Variants in ANKIB1 observed in about 807,000 individuals in gnomAD.
ANKIB1 encodes the protein ankyrin repeat and IBR domain-containing protein 1.
Under a neutral mutation model 122.1 loss-of-function variants are expected in ANKIB1, and 43 were observed. That is an observed-to-expected ratio of 0.35 (90% CI 0.28 to 0.45). The LOEUF (loss-of-function observed/expected upper bound fraction) is 0.45. ANKIB1 is among the 20% of genes least tolerant of loss of function. ANKIB1 has a pLI of 1.00. For missense variants in ANKIB1, 992 were observed against 1,329.5 expected (o/e 0.75, Z 3.95); for synonymous variants, 390 against 442.0 (o/e 0.88, Z 1.48).
chr7:92,281,280 C>A (rs757017001), intron 1 of ANKIB1, among the ~76,000 whole-genome samples: 12 of 152,096 alleles, frequency 7.9e-5, no homozygotes, highest in Non-Finnish European at 1.8e-4. Context: ...TAGCATGTAC[C>A]AATATTCCAG....
intron 5 of ANKIB1, among the ~76,000 whole-genome samples, chr7:92,339,400 A>G (rs1296487521): frequency 6.6e-6 from 1 of 152,162 alleles, no homozygotes; most frequent in Non-Finnish European, 1.5e-5. Context: ...TTAAATAAAT[A>G]ATTACTGTAT....
At chr7:92,392,581 A>G (rs1804807410) in intron 17 of ANKIB1, among the ~76,000 whole-genome samples, 1 of 152,134 alleles carries the variant, frequency 6.6e-6, no homozygotes, top group African/African-American at 2.4e-5. Flanking sequence ...TTGTTAATAG[A>G]GAGAATTTAT....
At chr7:92,389,000 G>A (rs1804727978) in intron 14 of ANKIB1, among the ~76,000 whole-genome samples, 1 of 152,160 alleles carries the variant, frequency 6.6e-6, no homozygotes, top group South Asian at 2.1e-4. Flanking sequence ...CTTCAGCAGG[G>A]ATTTTTGTCT....
At chr7:92,298,768 TAAAAAA>T (rs34091044) in intron 2 of ANKIB1, among the ~76,000 whole-genome samples, 2 of 117,624 alleles carry the variant, frequency 1.7e-5, no homozygotes, top group African/African-American at 3.2e-5. Flanking sequence ...CACTTGCAGT[TAAAAAA>T]AAAAAAAAAA....
At chr7:92,317,336 G>T (rs1032506775) in intron 3 of ANKIB1, among the ~76,000 whole-genome samples, 13 of 152,106 alleles carry the variant, frequency 8.5e-5, no homozygotes, top group African/African-American at 3.1e-4. Flanking sequence ...GGATGAGGCT[G>T]AGATTCTTCA....
intron 1 of ANKIB1, among the ~76,000 whole-genome samples, chr7:92,291,115 G>A (rs1411915414): frequency 4.6e-5 from 7 of 152,074 alleles, no homozygotes; most frequent in Non-Finnish European, 1.0e-4. Context: ...CCAAAATGGC[G>A]AAACCCCGTC....
Position 92,307,459 on chromosome 7 carries a change from G to A in ANKIB1, c.289G>A (p.Gly97Arg). ...CMGPQIMISE[G>R]ALHPRLARPT... ...GGGACCTCAAATTATGATATCTGAA[G>A]GAGCCCTTCATCCTCGCTTGGCACG... Residue 97 changes from glycine to arginine, a missense_variant, in exon 3 of 20, where the codon GGA becomes AGA. Around this residue, in one of 4 missense-constraint regions of ANKIB1, gnomAD observed 33 missense variants for 27.5 expected, o/e 1.20. Transcript: ENST00000265742. 6 of 1,613,914 alleles carry A rather than the reference G, an allele frequency of 3.7e-6. No individual in the cohort carries two copies. The highest frequency in any genetic ancestry group is 5.1e-6 in the Non-Finnish European group (6 of 1,179,876).
chr7:92,335,981 C>T (rs371440894), intron 5 of ANKIB1, among the ~76,000 whole-genome samples: 36 of 151,914 alleles, frequency 2.4e-4, no homozygotes, highest in African/African-American at 8.7e-4. Flanking sequence ...TGTATATATT[C>T]TTATCATTTT....
chr7:92,302,500 C>T (rs1342983959), intron 2 of ANKIB1, among the ~76,000 whole-genome samples: 1 of 152,158 alleles, frequency 6.6e-6, no homozygotes, highest in Non-Finnish European at 1.5e-5. Context: ...ATCACACTGC[C>T]TCTTTTGTGG....
chr7:92,393,162 A>T (rs1804821793), intron 17 of ANKIB1, among the ~76,000 whole-genome samples: 1 of 152,096 alleles, frequency 6.6e-6, no homozygotes, highest in Non-Finnish European at 1.5e-5. Flanking sequence ...GAAATTGATT[A>T]TTATCCAGGC....
intron 1 of ANKIB1, among the ~76,000 whole-genome samples, chr7:92,269,393 T>A (rs542825766): frequency 6.6e-6 from 1 of 152,222 alleles, no homozygotes; most frequent in African/African-American, 2.4e-5. Context: ...GTCTTTGTAT[T>A]ATGTTGTGAT....
intron 7 of ANKIB1, 94 bp from the exon 8 acceptor site, chr7:92,350,856 C>G: frequency 8.1e-7 from 1 of 1,236,840 alleles, no homozygotes; most frequent in Non-Finnish European, 1.1e-6. Flanking sequence ...GACCCTGTCT[C>G]TAAAAAAAAA....
chr7:92,287,283 T>A (rs551255953), intron 1 of ANKIB1, among the ~76,000 whole-genome samples: 1 of 152,204 alleles, frequency 6.6e-6, no homozygotes, highest in Non-Finnish European at 1.5e-5. Context: ...TAGGGCCCTA[T>A]ATGGCATTTA....
intron 2 of ANKIB1, among the ~76,000 whole-genome samples, chr7:92,304,071 T>TAA (rs567373070): frequency 6.9e-6 from 1 of 144,992 alleles, no homozygotes; most frequent in African/African-American, 2.5e-5. Flanking sequence ...TGCAAGTAGT[T>TAA]AAAAAAAAAA....
intron 10 of ANKIB1, among the ~76,000 whole-genome samples, chr7:92,366,051 C>G (rs1804074684): frequency 6.6e-6 from 1 of 151,870 alleles, no homozygotes. Context: ...CTCAGCCTCC[C>G]AAAGTGCTGG....
At chr7:92,362,294 C>T (rs1322128900) in intron 10 of ANKIB1, 21 bp downstream of exon 10, 1 of 1,555,770 alleles carries the variant, frequency 6.4e-7, no homozygotes. Flanking sequence ...TTTTAGATAG[C>T]TTTGCTGCAT....
At chr7:92,386,224 A>T (rs940127781) in intron 11 of ANKIB1, among the ~76,000 whole-genome samples, 1 of 152,226 alleles carries the variant, frequency 6.6e-6, no homozygotes. Context: ...ACACTTTCCA[A>T]AGATATTATT....
At chr7:92,352,755 C>T (rs1244805624) in intron 9 of ANKIB1, 113 bp downstream of exon 9, 1 of 1,117,352 alleles carries the variant, frequency 8.9e-7, no homozygotes, top group Non-Finnish European at 1.3e-6. Flanking sequence ...TAGTATTCTT[C>T]TTAATTTAAG....
intron 7 of ANKIB1, chr7:92,347,927 CTTA>C (rs1267963670): frequency 7.1e-6 from 3 of 425,174 alleles, no homozygotes; most frequent in South Asian, 3.4e-5. Flanking sequence ...ATAAATATTA[CTTA>C]TTATCATATT....
Sources: allele counts gnomAD v4.1 joint callset (sites outside exome capture counted in the v4.1 genomes callset), GRCh38; gene constraint gnomAD v4.1.1; regional missense constraint gnomAD v4.1.1; transcripts MANE v1.5; gene names NCBI Gene and HGNC (gene_info 2026-07-23, HGNC 2026-07-21).